The following GPHN variants were observed in gnomAD, a reference collection of about 807,000 sequenced individuals.
GPHN encodes gephyrin.
In GPHN, 17 loss-of-function variants were observed where a neutral mutation model predicts 95.5. The ratio of observed to expected loss-of-function variants is 0.18; its 90% CI spans 0.12 to 0.27. The LOEUF is 0.27. GPHN is among the 10% of genes least tolerant of loss of function. The pLI is 1.00. For synonymous variants in GPHN, 320 were observed against 322.5 expected (o/e 0.99, Z 0.08); for missense variants, 660 against 978.1 (o/e 0.67, Z 4.34).
At chr14:67,204,639 C>T in the GPHN span, 4 of 1,613,858 alleles carry the variant, frequency 2.5e-6, no homozygotes, top group South Asian at 2.2e-5. Context: ...TACAGCTCTG[C>T]ACCTCTGCAT....
At chr14:67,247,370 A>T in the GPHN span, among the ~76,000 whole-genome samples, 1 of 152,108 alleles carries the variant, frequency 6.6e-6, no homozygotes, top group Non-Finnish European at 1.5e-5. Context: ...TTGTATCCTG[A>T]CTTTCTGCTA....
At chr14:67,383,556 C>A in the GPHN span, 1 of 1,426,574 alleles carries the variant, frequency 7.0e-7, no homozygotes. Context: ...TTTTTTATTT[C>A]TAAGTATTTA....
chr14:67,047,355 T>A (rs2075079344), intron 10 of GPHN, among the ~76,000 whole-genome samples: 1 of 139,950 alleles, frequency 7.1e-6, no homozygotes, highest in African/African-American at 2.6e-5. Flanking sequence ...TGTGTGTGTG[T>A]GTGTGTGTTT....
At chr14:66,802,614 A>G (rs534513126) in intron 3 of GPHN, among the ~76,000 whole-genome samples, 2 of 152,310 alleles carry the variant, frequency 1.3e-5, no homozygotes, top group South Asian at 4.1e-4. Context: ...CAAGCCCTTG[A>G]TACCTGGGTA....
intron 3 of GPHN, among the ~76,000 whole-genome samples, chr14:66,820,507 G>C (rs887633934): frequency 1.3e-5 from 2 of 152,068 alleles, no homozygotes; most frequent in African/African-American, 4.8e-5. Context: ...TTCCATTTCA[G>C]TGTGCCTTCG....
chr14:66,817,117 T>C (rs1023736137), intron 3 of GPHN, among the ~76,000 whole-genome samples: 1 of 152,114 alleles, frequency 6.6e-6, no homozygotes, highest in Admixed American at 6.6e-5. Context: ...AATATACTGA[T>C]CTATTATGTT....
the GPHN span, chr14:67,470,894 G>T: frequency 1.3e-5 from 2 of 152,360 alleles, no homozygotes; most frequent in African/African-American, 4.8e-5. Flanking sequence ...CACCCTTAAT[G>T]CTTGGCAGGG....
chr14:67,411,989 C>T, the GPHN span: 1 of 1,530,526 alleles, frequency 6.5e-7, no homozygotes. Flanking sequence ...CCCACCCGGG[C>T]AATGTCCCGA....
At chr14:66,944,189 T>C (rs2067599237) in intron 8 of GPHN, among the ~76,000 whole-genome samples, 1 of 152,278 alleles carries the variant, frequency 6.6e-6, no homozygotes, top group Non-Finnish European at 1.5e-5. Flanking sequence ...ACTTTAGCGA[T>C]GCCAAGTGGC....
At chr14:67,452,751 A>G in the GPHN span, among the ~76,000 whole-genome samples, 1 of 152,178 alleles carries the variant, frequency 6.6e-6, no homozygotes, top group Non-Finnish European at 1.5e-5. Flanking sequence ...CAGTTTCTCG[A>G]TTATAAGACA....
At chr14:67,586,322 C>T in the GPHN span, 1 of 1,329,612 alleles carries the variant, frequency 7.5e-7, no homozygotes, top group Non-Finnish European at 1.0e-6. Flanking sequence ...TAACTCTGGC[C>T]TAGCTACTAT....
chr14:67,395,175 G>A, the GPHN span, among the ~76,000 whole-genome samples: 3 of 152,262 alleles, frequency 2.0e-5, no homozygotes, highest in South Asian at 6.2e-4. Context: ...GTGCAGAGGT[G>A]GCAAGAGCCA....
chr14:66,519,996 C>T (rs2058410643), intron 1 of GPHN, among the ~76,000 whole-genome samples: 1 of 152,104 alleles, frequency 6.6e-6, no homozygotes, highest in South Asian at 2.1e-4. Context: ...CTCTTAACTA[C>T]TACATGATAC....
At chr14:67,548,439 T>C in the GPHN span, among the ~76,000 whole-genome samples, 2 of 152,256 alleles carry the variant, frequency 1.3e-5, no homozygotes, top group Non-Finnish European at 2.9e-5. Flanking sequence ...GGCTTACACC[T>C]GTAATCCCAG....
intron 16 of GPHN, among the ~76,000 whole-genome samples, chr14:67,115,745 A>G (rs2078651858): frequency 6.6e-6 from 1 of 152,128 alleles, no homozygotes; most frequent in Non-Finnish European, 1.5e-5. Flanking sequence ...AAAAAAAAAA[A>G]AAAGATATAT....
intron 4 of GPHN, among the ~76,000 whole-genome samples, chr14:66,846,050 G>A (rs544369425): frequency 1.3e-4 from 20 of 152,060 alleles, no homozygotes; most frequent in Non-Finnish European, 2.6e-4. Context: ...GATGGACTTA[G>A]GAAAGCAGTT....
At chr14:66,855,070 C>A (rs1341834769) in intron 4 of GPHN, among the ~76,000 whole-genome samples, 1 of 152,122 alleles carries the variant, frequency 6.6e-6, no homozygotes, top group Non-Finnish European at 1.5e-5. Flanking sequence ...TGGCCTCCAA[C>A]TCCTGACCTT....
the GPHN span, chr14:67,347,495 G>A: frequency 7.3e-7 from 1 of 1,373,820 alleles, no homozygotes; most frequent in Non-Finnish European, 9.9e-7. Flanking sequence ...AAACCTTTAA[G>A]TTCTCTCTTT....
chr14:66,940,478 G>T (rs1329957877), intron 8 of GPHN, among the ~76,000 whole-genome samples: 2 of 152,264 alleles, frequency 1.3e-5, no homozygotes, highest in Admixed American at 6.5e-5. Context: ...CCACCCATAG[G>T]TTTTAAAGTG....
Sources: gnomAD v4.1 joint callset for allele counts (sites outside exome capture counted in the v4.1 genomes callset) on GRCh38, gnomAD v4.1.1 for gene constraint, MANE v1.5 for transcripts, NCBI Gene and HGNC (gene_info 2026-07-23, HGNC 2026-07-21) for gene names.